Variants in SERPINI1 observed in about 807,000 individuals in gnomAD.
The protein encoded by SERPINI1 is neuroserpin.
In SERPINI1, 19 loss-of-function variants were observed where a neutral mutation model predicts 41.1. The ratio of observed to expected loss-of-function variants is 0.46; its 90% confidence interval spans 0.32 to 0.68. The LOEUF is 0.68. Among genes scored for constraint, SERPINI1 ranks in the 30% least tolerant of loss-of-function variants. SERPINI1 has a pLI of 0.03. For synonymous variants in SERPINI1, 138 were observed against 156.6 expected, an observed-to-expected ratio of 0.88 and a Z score of 0.89; for missense variants, 460 against 479.2, an observed-to-expected ratio of 0.96 and a Z score of 0.37.
At chr3:167,776,816 G>A (rs1382995358) in intron 1 of SERPINI1, among the ~76,000 whole-genome samples, 1 of 152,218 alleles carries the variant, frequency 6.6e-6, no homozygotes, top group Non-Finnish European at 1.5e-5. Flanking sequence ...GCACACATAT[G>A]TAGTATTTCT....
intron 6 of SERPINI1, among the ~76,000 whole-genome samples, chr3:167,817,311 T>C (rs1712133522): frequency 6.6e-6 from 1 of 152,186 alleles, no homozygotes; most frequent in African/African-American, 2.4e-5. Flanking sequence ...TTTTCTTTCT[T>C]ATATTGTTGG....
intron 6 of SERPINI1, among the ~76,000 whole-genome samples, chr3:167,811,352 T>A (rs1180353596): frequency 6.7e-6 from 1 of 149,224 alleles, no homozygotes; most frequent in Non-Finnish European, 1.5e-5. Flanking sequence ...GGCTGAGAAA[T>A]CCTATACTGG....
intron 1 of SERPINI1, among the ~76,000 whole-genome samples, chr3:167,764,026 C>T (rs1463874361): frequency 2.1e-5 from 3 of 140,068 alleles, no homozygotes; most frequent in Admixed American, 7.0e-5. Flanking sequence ...TCTTAACTCA[C>T]TCCCCAAGGA....
intron 1 of SERPINI1, among the ~76,000 whole-genome samples, chr3:167,775,953 C>T (rs544800762): frequency 1.3e-5 from 2 of 151,898 alleles, no homozygotes; most frequent in African/African-American, 4.8e-5. Flanking sequence ...AGTGAGACCC[C>T]GTCCCAAAAA....
chr3:167,768,019 G>A (rs959992937), intron 1 of SERPINI1, among the ~76,000 whole-genome samples: 21 of 152,284 alleles, frequency 1.4e-4, no homozygotes, highest in Non-Finnish European at 2.6e-4. Flanking sequence ...GGGTTTGAGA[G>A]GACTGAATCC....
intron 1 of SERPINI1, among the ~76,000 whole-genome samples, chr3:167,758,171 C>A (rs1726251675): frequency 7.8e-6 from 1 of 129,026 alleles, no homozygotes; most frequent in South Asian, 2.5e-4. Context: ...CCCTGTGTCC[C>A]CTGATACCCC....
chr3:167,815,688 CCTT>C (rs1712057382), intron 6 of SERPINI1, among the ~76,000 whole-genome samples: 2 of 152,082 alleles, frequency 1.3e-5, no homozygotes, highest in Admixed American at 1.3e-4. Context: ...CTATGCCCGG[CCTT>C]CTTATTTGTC....
intron 1 of SERPINI1, among the ~76,000 whole-genome samples, chr3:167,743,504 T>C (rs1282198348): frequency 3.3e-5 from 5 of 152,292 alleles, no homozygotes; most frequent in Non-Finnish European, 7.4e-5. Flanking sequence ...TAGTTGTCTT[T>C]GCATTTCTAT....
intron 1 of SERPINI1, among the ~76,000 whole-genome samples, chr3:167,743,272 C>G (rs1725739616): frequency 6.6e-6 from 1 of 151,988 alleles, no homozygotes; most frequent in African/African-American, 2.4e-5. Context: ...TTATCCATTT[C>G]AAAAATGTGA....
chr3:167,817,536 A>G (rs557595027), intron 6 of SERPINI1, among the ~76,000 whole-genome samples: 7 of 152,092 alleles, frequency 4.6e-5, no homozygotes, highest in Non-Finnish European at 8.8e-5. Flanking sequence ...TTTAATGGTT[A>G]CTGGATTATT....
intron 5 of SERPINI1, among the ~76,000 whole-genome samples, chr3:167,801,140 G>A (rs559109003): frequency 2.0e-5 from 3 of 152,138 alleles, no homozygotes; most frequent in South Asian, 4.1e-4. Flanking sequence ...TTTAACATGA[G>A]TGCTTTTCAT....
intron 5 of SERPINI1, among the ~76,000 whole-genome samples, chr3:167,798,642 C>G (rs1278653175): frequency 1.3e-5 from 2 of 152,126 alleles, no homozygotes; most frequent in Non-Finnish European, 2.9e-5. Flanking sequence ...ATGCAACTTG[C>G]ATTTCTGTAT....
At chr3:167,821,846 C>G (rs1325230639) in intron 6 of SERPINI1, among the ~76,000 whole-genome samples, 1 of 152,158 alleles carries the variant, frequency 6.6e-6, no homozygotes, top group Non-Finnish European at 1.5e-5. Context: ...ATTGGCTCAT[C>G]ATTATGGAGG....
In SERPINI1 at chr3:167,789,243, G is replaced by A. The variant is rs1307825318; in HGVS notation, c.115G>A (p.Ala39Thr). 1.2e-6 allele frequency: 2 copies of A among 1,614,050 alleles called. No individual in the cohort carries two copies. Among genetic ancestry groups the A allele is most frequent in the Admixed American group, 1.7e-5 (1 of 60,010 alleles). ...AGTGAATATGTATAATCGTCTTAGA[G>A]CCACTGGTGAAGATGAAAATATTCT... is the stretch of plus-strand genomic sequence containing the variant. ...LSVNMYNRLR[A>T]TGEDENILFS... Residue 39 changes from alanine to threonine, a missense_variant, in exon 2 of 9, where the codon GCC becomes ACC. Ala to Thr is a moderately conservative substitution (Grantham distance 58). Coordinates refer to ENST00000446050, the MANE Select transcript of SERPINI1 (RefSeq NM_001122752.2).
chr3:167,773,064 T>TA (rs896348938), intron 1 of SERPINI1, among the ~76,000 whole-genome samples: 2 of 150,868 alleles, frequency 1.3e-5, no homozygotes, highest in African/African-American at 2.4e-5. Flanking sequence ...AATCAGAAGT[T>TA]AAAAAACAAA....
chr3:167,755,161 T>C (rs1726157528), intron 1 of SERPINI1, among the ~76,000 whole-genome samples: 1 of 152,158 alleles, frequency 6.6e-6, no homozygotes, highest in South Asian at 2.1e-4. Flanking sequence ...CACAACTACA[T>C]TTTTTTAAGT....
chr3:167,762,963 A>T (rs934255812), intron 1 of SERPINI1, among the ~76,000 whole-genome samples: 14 of 152,118 alleles, frequency 9.2e-5, no homozygotes, highest in African/African-American at 3.4e-4. Flanking sequence ...AGGGGTCTGG[A>T]CTTTGGAGCC....
chr3:167,751,723 G>T (rs147709622), intron 1 of SERPINI1, among the ~76,000 whole-genome samples: 1 of 151,882 alleles, frequency 6.6e-6, no homozygotes, highest in Non-Finnish European at 1.5e-5. Flanking sequence ...CATATGCAGC[G>T]TTATGTATGA....
intron 6 of SERPINI1, among the ~76,000 whole-genome samples, chr3:167,815,881 T>C (rs2108571641): frequency 6.7e-6 from 1 of 149,286 alleles, no homozygotes; most frequent in South Asian, 2.1e-4. Context: ...AGCACTAGTC[T>C]GCTGGATCCC....
Sources: gnomAD v4.1 joint callset for allele counts (sites outside exome capture counted in the v4.1 genomes callset) on GRCh38, gnomAD v4.1.1 for gene constraint, MANE v1.5 for transcripts, NCBI Gene and HGNC (gene_info 2026-07-23, HGNC 2026-07-21) for gene names.